The following USP37 variants were observed in gnomAD, a reference collection of about 807,000 sequenced individuals.
USP37 encodes ubiquitin specific peptidase 37.
USP37 carries 27 observed loss-of-function variants against 124.0 expected under a neutral mutation model. The observed-to-expected ratio is 0.22, with a 90% CI of 0.16 to 0.30. The LOEUF is 0.30. USP37 is among the 10% of genes least tolerant of loss of function. The pLI, the probability that USP37 is intolerant of heterozygous loss-of-function variation, is 1.00. For synonymous variants in USP37, 365 were observed against 388.0 expected, an observed-to-expected ratio of 0.94 and a Z score of 0.70; for missense variants, 889 against 1,140.4, an observed-to-expected ratio of 0.78 and a Z score of 3.17.
Position 218,482,252 on chromosome 2 carries a change from A to G in USP37, c.1671-18T>C, listed in dbSNP as rs566776691. The G allele has an allele frequency of 2.1e-5, 33 of 1,603,606 alleles. No homozygotes were observed. The highest frequency in any genetic ancestry group is 2.8e-5 in the Non-Finnish European group (33 of 1,173,018). On this transcript the variant is annotated intron_variant, in intron 16 of 25. Transcript: ENST00000258399. ...TGAGGACCCTGAAAAACAGGAGATG[A>G]CAACCTTACTAATTCATACATAATA...
chr2:218,529,109 C>T (rs1691152723), intron 10 of USP37, among the ~76,000 whole-genome samples: 2 of 152,152 alleles, frequency 1.3e-5, no homozygotes, highest in African/African-American at 4.8e-5. Context: ...GGCATCACTA[C>T]AAAACTTCCC....
chr2:218,565,466 CAA>C (rs1273037121), intron 1 of USP37, among the ~76,000 whole-genome samples: 1 of 152,136 alleles, frequency 6.6e-6, no homozygotes, highest in Non-Finnish European at 1.5e-5. Flanking sequence ...ATCTCCAATT[CAA>C]AGAGTTTAAA....
intron 8 of USP37, among the ~76,000 whole-genome samples, chr2:218,541,284 T>C (rs1574945070): frequency 6.6e-6 from 1 of 152,274 alleles, no homozygotes; most frequent in East Asian, 1.9e-4. Flanking sequence ...GAGCTCCTCA[T>C]GCAGGCAGAT....
chr2:218,481,943 T>C, intron 17 of USP37, 127 bp downstream of exon 17: 2 of 1,130,330 alleles, frequency 1.8e-6, no homozygotes, highest in Non-Finnish European at 2.4e-6. Flanking sequence ...CATGAGCCAC[T>C]GCATCTGGCC....
chr2:218,552,586 C>CA (rs1298537314), intron 5 of USP37, among the ~76,000 whole-genome samples: 62 of 136,934 alleles, frequency 4.5e-4, no homozygotes, highest in Middle Eastern at 7.6e-3. Context: ...GACACTGTCT[C>CA]AAAAAAAAGA....
intron 22 of USP37, among the ~76,000 whole-genome samples, chr2:218,460,536 A>G (rs35485583): frequency 0.04 from 6,106 of 152,294 alleles, 161 homozygotes; most frequent in East Asian, 0.12. Flanking sequence ...TAAATTCTAT[A>G]TGATATAAGC....
chr2:218,496,055 A>G lies in USP37; in HGVS notation c.1282-105T>C. The stretch of plus-strand genomic sequence containing the variant: ...ATACCTGTAATTCCAGCACTCTGGA[A>G]GGCTGAGGCAGGCGGATCACTTGAG... On this transcript the variant is annotated intron_variant, in intron 13 of 25. Coordinates refer to ENST00000258399, the MANE Select transcript of USP37 (RefSeq NM_020935.3). 3 of 1,118,154 alleles carry G rather than the reference A, an allele frequency of 2.7e-6. No individual in the cohort carries two copies. The South Asian group carries it at 4.9e-5, about 18-fold the overall frequency. 69.3% of individuals were successfully genotyped at this position (1,118,154 alleles called of 1,614,324 possible). A position where few individuals can be genotyped will look rare whatever the true frequency, so the allele number is the denominator to read the frequency against.
intron 3 of USP37, 153 bp from the exon 4 acceptor site, chr2:218,558,830 T>TA: frequency 4.1e-6 from 2 of 490,398 alleles, no homozygotes; most frequent in Non-Finnish European, 3.5e-6. Context: ...AGTACTGTAT[T>TA]TATTAGTGCC....
At position 218,462,207 on chromosome 2, in the gene USP37, C is replaced by T. The variant is rs528312019; in HGVS notation, c.2527+1099G>A. 1.6e-4 allele frequency among the ~76,000 whole-genome samples: 24 copies of T among 151,810 alleles called. 1 individual carries two copies. The South Asian group carries it at 3.7e-3, about 24-fold the overall frequency. On this transcript the variant is annotated intron_variant, in intron 22 of 25. Transcript: ENST00000258399. ...AAAATTAGCTGGGTGTGGTGGTGCA[C>T]GCCTATAGTCCCAGCTACTCAGGAG...
chr2:218,520,224 G>A (rs186158475), intron 10 of USP37, among the ~76,000 whole-genome samples: 1 of 152,092 alleles, frequency 6.6e-6, no homozygotes, highest in East Asian at 1.9e-4. Flanking sequence ...TTATAGACAT[G>A]AGCCACTGAG....
At position 218,532,000 on chromosome 2, in the gene USP37, T is replaced by C. The variant is rs537370868; in HGVS notation, c.779-1960A>G. 5.9e-5 allele frequency among the ~76,000 whole-genome samples: 9 copies of C among 152,322 alleles called. No homozygotes were observed. In the South Asian group the frequency reaches 6.2e-4, roughly 11 times the overall value. ...CATGAATATTGTTGAAGTTACAACA[T>C]AGGATTTAGAATATTACATAAATTT... On this transcript the variant is annotated intron_variant, in intron 9 of 25. Coordinates refer to ENST00000258399, the MANE Select transcript of USP37 (RefSeq NM_020935.3).
intron 4 of USP37, among the ~76,000 whole-genome samples, chr2:218,554,183 G>T (rs891780510): frequency 1.3e-5 from 2 of 152,086 alleles, no homozygotes; most frequent in Non-Finnish European, 2.9e-5. Flanking sequence ...CATATAGCAG[G>T]TCCTCAAATA....
intron 10 of USP37, among the ~76,000 whole-genome samples, chr2:218,511,666 C>G (rs900656245): frequency 7.9e-5 from 12 of 152,084 alleles, no homozygotes; most frequent in Non-Finnish European, 1.5e-4. Flanking sequence ...AGCCTGGTCT[C>G]AAACTCCTGA....
chr2:218,466,199 T>G (rs750844651), intron 20 of USP37, 23 bp from the exon 21 acceptor site: 2 of 1,573,752 alleles, frequency 1.3e-6, no homozygotes, highest in South Asian at 2.4e-5. Context: ...AACATAACAT[T>G]AATTTGGAAA....
At chr2:218,529,104 C>T (rs572589599) in intron 10 of USP37, among the ~76,000 whole-genome samples, 4 of 152,258 alleles carry the variant, frequency 2.6e-5, no homozygotes, top group East Asian at 3.9e-4. Context: ...TCTATGGCAT[C>T]ACTACAAAAC....
chr2:218,459,596 T>C (rs924599083), intron 23 of USP37, among the ~76,000 whole-genome samples, 194 bp downstream of exon 23: 2 of 152,150 alleles, frequency 1.3e-5, no homozygotes, highest in Non-Finnish European at 2.9e-5. Context: ...TTTTTTTTGT[T>C]TGTTTGTTTG....
chr2:218,508,944 T>C (rs553611339), intron 11 of USP37, among the ~76,000 whole-genome samples: 23 of 152,332 alleles, frequency 1.5e-4, no homozygotes, highest in African/African-American at 5.5e-4. Context: ...AATAAGTTAA[T>C]AGGTTATGAG....
intron 11 of USP37, among the ~76,000 whole-genome samples, chr2:218,507,176 T>G (rs1469973825): frequency 1.3e-5 from 2 of 152,038 alleles, no homozygotes; most frequent in Non-Finnish European, 1.5e-5. Flanking sequence ...TTATTTGTTT[T>G]TTTGAGATGG....
intron 10 of USP37, among the ~76,000 whole-genome samples, chr2:218,526,806 T>TTTTTTG (rs1690994058): frequency 6.9e-6 from 1 of 144,792 alleles, no homozygotes; most frequent in South Asian, 2.2e-4. Context: ...TTTTTTTTTT[T>TTTTTTG]GGGACGGAGT....
Sources: allele counts gnomAD v4.1 joint callset (sites outside exome capture counted in the v4.1 genomes callset), GRCh38; gene constraint gnomAD v4.1.1; transcripts MANE v1.5; gene names NCBI Gene and HGNC (gene_info 2026-07-23, HGNC 2026-07-21).